The following TVP23A variants were observed in gnomAD, a reference collection of about 807,000 sequenced individuals.
TVP23A encodes trans-golgi network vesicle protein 23 homolog A, also known as Golgi apparatus membrane protein TVP23 homolog A.
Under a neutral mutation model 31.7 loss-of-function variants are expected in TVP23A, and 21 were observed. That is an observed-to-expected ratio of 0.66 (90% confidence interval 0.47 to 0.95). TVP23A has a LOEUF of 0.95. TVP23A is among the 40% of genes least tolerant of loss of function. The pLI, the probability that TVP23A is intolerant of heterozygous loss-of-function variation, is 0.00. For missense variants in TVP23A, 279 were observed against 255.6 expected (o/e 1.09, Z -0.62); for synonymous variants, 104 against 96.0 (o/e 1.08, Z -0.49).
intron 6 of TVP23A, 142 bp downstream of exon 6, chr16:10,771,528 C>A: frequency 1.8e-6 from 2 of 1,126,048 alleles, no homozygotes; most frequent in South Asian, 1.5e-5. Flanking sequence ...GAGCGAGATC[C>A]TGTCTCCCAA....
At chr16:10,815,216 C>T (rs1012913322) in intron 2 of TVP23A, among the ~76,000 whole-genome samples, 6 of 151,920 alleles carry the variant, frequency 3.9e-5, no homozygotes, top group Non-Finnish European at 5.9e-5. Context: ...GCCAACATGG[C>T]GAAACTCCAT....
intron 2 of TVP23A, among the ~76,000 whole-genome samples, chr16:10,814,251 T>C (rs2034334039): frequency 6.6e-6 from 1 of 152,156 alleles, no homozygotes; most frequent in Non-Finnish European, 1.5e-5. Context: ...CATACCCACC[T>C]GGATACATGA....
intron 2 of TVP23A, among the ~76,000 whole-genome samples, chr16:10,787,296 A>G (rs1209329711): frequency 6.6e-6 from 1 of 152,136 alleles, no homozygotes; most frequent in Non-Finnish European, 1.5e-5. Flanking sequence ...AGCAGCCCCA[A>G]AATTATTTTC....
downstream of TVP23A, chr16:10,762,163 G>A (rs188333219): frequency 4.3e-4 from 107 of 249,346 alleles, no homozygotes; most frequent in African/African-American, 2.0e-3. Flanking sequence ...ATAGAGGGGC[G>A]GCTCCAGGGG....
rs182177428 is a variant in TVP23A, at chr16:10,813,209, A to C, written c.89+4894T>G. Among the ~76,000 whole-genome samples the C allele has an allele frequency of 9.0e-4, 137 of 152,338 alleles. 4 individuals are homozygous for C. The highest frequency in any genetic ancestry group is 2.2e-4 in the Non-Finnish European group (15 of 68,034). On this transcript the variant is annotated intron_variant, in intron 2 of 7. Coordinates refer to ENST00000299866, the MANE Select transcript of TVP23A (RefSeq NM_001079512.4). Reference sequence around the variant, plus strand: ...ATAACCACGTGGTGAAGTCAGGCTGATACAATTATCCCCATTTTACCGACT... The same window carrying C: ...ATAACCACGTGGTGAAGTCAGGCTGCTACAATTATCCCCATTTTACCGACT...
At chr16:10,774,911 T>C in intron 3 of TVP23A, 41 bp downstream of exon 3, 2 of 1,576,874 alleles carry the variant, frequency 1.3e-6, no homozygotes, top group South Asian at 1.1e-5. Flanking sequence ...GGGACAAGCC[T>C]CGTGTTTCGG....
At chr16:10,791,740 T>C (rs892169990) in intron 2 of TVP23A, among the ~76,000 whole-genome samples, 10 of 152,222 alleles carry the variant, frequency 6.6e-5, no homozygotes, top group Admixed American at 3.9e-4. Flanking sequence ...CCTGAGTAGC[T>C]GGGACTACAG....
downstream of TVP23A, chr16:10,758,068 C>T (rs946889324): frequency 6.3e-7 from 1 of 1,595,790 alleles, no homozygotes; most frequent in Non-Finnish European, 8.6e-7. Context: ...AAACTGTGCT[C>T]CACACTGTGA....
chr16:10,760,113 C>T (rs145803114), downstream of TVP23A, among the ~76,000 whole-genome samples: 17 of 152,368 alleles, frequency 1.1e-4, no homozygotes, highest in African/African-American at 3.1e-4. Context: ...AAGTTGTCCA[C>T]ATTGGGCAGT....
At chr16:10,778,231 G>A (rs1175813453) in intron 2 of TVP23A, among the ~76,000 whole-genome samples, 1 of 151,624 alleles carries the variant, frequency 6.6e-6, no homozygotes, top group Non-Finnish European at 1.5e-5. Context: ...CTACTCAGGA[G>A]GCTGAGGCAG....
Position 10,766,756 on chromosome 16 carries a change from T to C in TVP23A, c.*2346A>G. The C allele has an allele frequency of 2.5e-6, 1 of 396,004 alleles. No homozygotes were observed. Among genetic ancestry groups the C allele is most frequent in the Non-Finnish European group, 4.4e-6 (1 of 224,956 alleles). The allele number at this position is 396,004 out of a possible 1,614,324, so 24.5% of individuals were successfully genotyped here. ...GGAGAACGGGCCTGAGAATAGGGGC[T>C]CAAAGGCCCCATTACAGAGTTTTTG... On this transcript the variant is annotated 3_prime_UTR_variant, in exon 8 of 8. Coordinates refer to ENST00000299866, the MANE Select transcript of TVP23A (RefSeq NM_001079512.4). This position sits in a 1 kb window ranked among gnomAD's most constrained non-coding sequence, Gnocchi z 4.8.
intron 5 of TVP23A, 111 bp from the exon 6 acceptor site, chr16:10,771,909 C>T: frequency 7.2e-7 from 1 of 1,394,070 alleles, no homozygotes. Flanking sequence ...AGTTCCGCCT[C>T]CCGGGTTCAC....
intron 3 of TVP23A, 109 bp from the exon 4 acceptor site, chr16:10,774,237 G>A (rs984568777): frequency 1.6e-5 from 12 of 760,346 alleles, no homozygotes; most frequent in Non-Finnish European, 2.0e-5. Context: ...ACTGGGAGCA[G>A]GAAGAAAAAA....
At chr16:10,783,568 G>A (rs958563462) in intron 2 of TVP23A, among the ~76,000 whole-genome samples, 9 of 152,096 alleles carry the variant, frequency 5.9e-5, no homozygotes, top group African/African-American at 1.9e-4. Flanking sequence ...CCCAGCTGCC[G>A]GAGAGGCTGA....
intron 2 of TVP23A, among the ~76,000 whole-genome samples, chr16:10,790,194 C>G (rs895600771): frequency 6.6e-6 from 1 of 151,616 alleles, no homozygotes; most frequent in Non-Finnish European, 1.5e-5. Flanking sequence ...AATAGAGATT[C>G]TTTACAGATG....
At chr16:10,776,414 A>G (rs1164559290) in intron 2 of TVP23A, among the ~76,000 whole-genome samples, 1 of 152,110 alleles carries the variant, frequency 6.6e-6, no homozygotes. Flanking sequence ...AAGAAAAGAA[A>G]GGTTACCAAA....
At chr16:10,791,503 C>CCAGGGTGAATGCCAG (rs1433981201) in intron 2 of TVP23A, among the ~76,000 whole-genome samples, 1 of 152,148 alleles carries the variant, frequency 6.6e-6, no homozygotes. Context: ...CTGGAAGCTT[C>CCAGGGTGAATGCCAG]CAGGGTGAAT....
intron 5 of TVP23A, among the ~76,000 whole-genome samples, chr16:10,772,585 G>T (rs1353222208): frequency 1.3e-5 from 2 of 152,148 alleles, no homozygotes; most frequent in Non-Finnish European, 2.9e-5. Context: ...GGCCAGGCTG[G>T]TCTCAAACTC....
intron 2 of TVP23A, among the ~76,000 whole-genome samples, chr16:10,790,317 C>T (rs909604172): frequency 1.5e-5 from 2 of 137,530 alleles, no homozygotes; most frequent in Admixed American, 7.9e-5. Flanking sequence ...CGGAGTCTCG[C>T]ACTGTCGCCC....
Sources: allele counts gnomAD v4.1 joint callset (sites outside exome capture counted in the v4.1 genomes callset), GRCh38; gene constraint gnomAD v4.1.1; non-coding constraint Gnocchi (gnomAD v3.1); transcripts MANE v1.5; gene names NCBI Gene and HGNC (gene_info 2026-07-23, HGNC 2026-07-21).